IDE: variants seen among roughly 807,000 people sequenced by gnomAD.
The protein encoded by IDE is insulin-degrading enzyme.
IDE carries 58 observed loss-of-function variants against 133.2 expected under a neutral mutation model. The ratio of observed to expected loss-of-function variants is 0.44; its 90% CI spans 0.35 to 0.54. IDE has a LOEUF of 0.54. Ranked by LOEUF, IDE falls within the 20% of genes least tolerant of loss-of-function variation. The pLI, the probability that IDE is intolerant of heterozygous loss-of-function variation, is 0.00. For synonymous variants in IDE, 396 were observed against 421.3 expected, an observed-to-expected ratio of 0.94 and a Z score of 0.73; for missense variants, 981 against 1,234.0, an observed-to-expected ratio of 0.79 and a Z score of 3.07.
intron 4 of IDE, among the ~76,000 whole-genome samples, chr10:92,530,475 T>C (rs534254570): frequency 3.3e-5 from 5 of 151,662 alleles, no homozygotes; most frequent in African/African-American, 1.2e-4. Context: ...CTTGTAAAGA[T>C]AGTGTCTCAC....
At position 92,480,912 on chromosome 10, in the gene IDE, CA is replaced by C. The variant is rs1846565227; in HGVS notation, c.1740-1492del. On this transcript the variant is annotated intron_variant, in intron 14 of 24. Transcript: ENST00000265986. ...CCCAGCCAAAAGCCAACAATTTTAT[CA>C]AAGCTGATAAAAAAGCAAAAATAGG... 4 of 970,190 alleles carry C rather than the reference CA, an allele frequency of 4.1e-6. No individual in the cohort carries two copies. In the South Asian group the frequency reaches 1.4e-4, roughly 35 times the overall value. 60.1% of individuals were successfully genotyped at this position (970,190 alleles called of 1,614,324 possible).
At chr10:92,573,115 T>C (rs923427964) in intron 1 of IDE, 1 of 985,408 alleles carries the variant, frequency 1.0e-6, no homozygotes, top group South Asian at 4.7e-5. Context: ...TCTTCTTCCA[T>C]TCGTAGTAAA....
At chr10:92,462,783 A>C (rs1845465212) in intron 21 of IDE, among the ~76,000 whole-genome samples, 1 of 152,208 alleles carries the variant, frequency 6.6e-6, no homozygotes, top group Non-Finnish European at 1.5e-5. Context: ...ATAACTACTT[A>C]ATAAGGGCTG....
At chr10:92,454,963 A>T (rs1161625106) in intron 24 of IDE, among the ~76,000 whole-genome samples, 1 of 152,164 alleles carries the variant, frequency 6.6e-6, no homozygotes, top group African/African-American at 2.4e-5. Flanking sequence ...ATACGCAGGT[A>T]ACATGGGAGA....
At chr10:92,559,513 A>C (rs1160978416) in intron 1 of IDE, among the ~76,000 whole-genome samples, 1 of 152,232 alleles carries the variant, frequency 6.6e-6, no homozygotes, top group Non-Finnish European at 1.5e-5. Flanking sequence ...TGAAAGCCAG[A>C]CACAAAAGAC....
At chr10:92,554,543 C>CT (rs1479584413) in intron 1 of IDE, among the ~76,000 whole-genome samples, 1 of 26,688 alleles carries the variant, frequency 3.7e-5, no homozygotes, top group Non-Finnish European at 6.7e-5. Flanking sequence ...GCAACAGTGT[C>CT]TTAAAAAAAA....
chr10:92,523,055 ATTAC>A (rs1411081635), intron 4 of IDE, among the ~76,000 whole-genome samples: 3 of 152,164 alleles, frequency 2.0e-5, no homozygotes, highest in Non-Finnish European at 4.4e-5. Context: ...GACTAAAAAA[ATTAC>A]TTATTAACTG....
At chr10:92,531,535 C>G (rs529206163) in intron 4 of IDE, among the ~76,000 whole-genome samples, 1 of 152,256 alleles carries the variant, frequency 6.6e-6, no homozygotes, top group East Asian at 1.9e-4. Flanking sequence ...CTGCTCTGCT[C>G]CTTAAACGTT....
rs576853709 is a variant in IDE at position 92,561,188 on chromosome 10, G to A, written c.98+12734C>T. On this transcript the variant is annotated intron_variant, in intron 1 of 24. Coordinates refer to ENST00000265986, the MANE Select transcript of IDE (RefSeq NM_004969.4). The stretch of plus-strand genomic sequence containing the variant: ...GGAGAATCACTTCAACCTGGGAGGC[G>A]GAGGTTGCAGTAAGCCGAGATGGCA... 7.9e-5 allele frequency among the ~76,000 whole-genome samples: 12 copies of A among 151,996 alleles called. No homozygotes were observed. In the East Asian group the frequency reaches 1.2e-3, roughly 15 times the overall value.
intron 21 of IDE, 72 bp downstream of exon 21, chr10:92,463,657 TAC>T: frequency 3.8e-6 from 5 of 1,330,678 alleles, no homozygotes; most frequent in Non-Finnish European, 5.3e-6. Flanking sequence ...ACAAAATGAA[TAC>T]CATTTTGTAG....
intron 4 of IDE, among the ~76,000 whole-genome samples, chr10:92,524,446 T>TATATAATA (rs1849465005): frequency 2.3e-5 from 1 of 42,968 alleles, no homozygotes; most frequent in Non-Finnish European, 4.0e-5. Context: ...TATAATATAT[T>TATATAATA]TTATATATTA....
chr10:92,521,560 G>A (rs1359742150), intron 4 of IDE, among the ~76,000 whole-genome samples: 1 of 152,012 alleles, frequency 6.6e-6, no homozygotes, highest in Non-Finnish European at 1.5e-5. Context: ...AGACTGGAGT[G>A]GTGGCTCACT....
chr10:92,534,931 T>C (rs1841915598), intron 2 of IDE, 146 bp from the exon 3 acceptor site: 2 of 633,820 alleles, frequency 3.2e-6, no homozygotes, highest in East Asian at 2.7e-5. Flanking sequence ...TGATATTATT[T>C]AGAAAGTAAA....
At chr10:92,511,823 C>T (rs1241867658) in intron 5 of IDE, among the ~76,000 whole-genome samples, 1 of 152,108 alleles carries the variant, frequency 6.6e-6, no homozygotes, top group Non-Finnish European at 1.5e-5. Context: ...ATGTCAGAGA[C>T]ATCTTTTTGC....
At chr10:92,551,887 G>A (rs1842801286) in intron 1 of IDE, among the ~76,000 whole-genome samples, 1 of 152,232 alleles carries the variant, frequency 6.6e-6, no homozygotes, top group Non-Finnish European at 1.5e-5. Context: ...TGTTACCCCA[G>A]TACTTTGGAA....
At chr10:92,524,730 C>G (rs531649373) in intron 4 of IDE, among the ~76,000 whole-genome samples, 49 of 144,592 alleles carry the variant, frequency 3.4e-4, no homozygotes, top group African/African-American at 1.2e-3. Flanking sequence ...TGAGATCAGC[C>G]TGGCCAATAT....
At chr10:92,520,340 G>A (rs922159084) in intron 4 of IDE, among the ~76,000 whole-genome samples, 6 of 152,138 alleles carry the variant, frequency 3.9e-5, no homozygotes, top group Non-Finnish European at 8.8e-5. Context: ...TATGAATACT[G>A]ATTTTCAAGG....
chr10:92,485,121 C>CTTTT (rs1469725925), intron 13 of IDE, among the ~76,000 whole-genome samples: 22 of 101,420 alleles, frequency 2.2e-4, no homozygotes, highest in Admixed American at 3.4e-4. Context: ...TTCTTTCTTT[C>CTTTT]TTTCTTTTTT....
intron 1 of IDE, among the ~76,000 whole-genome samples, chr10:92,538,741 A>G (rs1589504668): frequency 6.7e-6 from 1 of 150,360 alleles, no homozygotes; most frequent in African/African-American, 2.4e-5. Context: ...AGTAGGGTAG[A>G]TGTAACTTTT....
Sources: gnomAD v4.1 joint callset for allele counts (sites outside exome capture counted in the v4.1 genomes callset) on GRCh38, gnomAD v4.1.1 for gene constraint, MANE v1.5 for transcripts, NCBI Gene and HGNC (gene_info 2026-07-23, HGNC 2026-07-21) for gene names.